Variants in SCAI observed in about 807,000 individuals in gnomAD.
The protein encoded by SCAI is suppressor of cancer cell invasion.
A neutral mutation model predicts 92.2 loss-of-function variants in SCAI; 24 were observed. That is an observed-to-expected ratio of 0.26 (90% confidence interval 0.19 to 0.37). The LOEUF is 0.37. Among genes scored for constraint, SCAI ranks in the 10% least tolerant of loss-of-function variants. The probability of loss-of-function intolerance (pLI) is 1.00; values close to 1 mark genes in which losing one functional copy is unlikely to be tolerated. For synonymous variants in SCAI, 261 were observed against 258.6 expected (o/e 1.01, Z -0.09); for missense variants, 450 against 736.2 (o/e 0.61, Z 4.50).
intron 2 of SCAI, among the ~76,000 whole-genome samples, chr9:125,100,734 A>C (rs965203099): frequency 6.6e-6 from 1 of 152,200 alleles, no homozygotes; most frequent in African/African-American, 2.4e-5. Flanking sequence ...GGGGACAAAG[A>C]GCTGCAATTG....
In SCAI at chr9:125,091,768, C is replaced by T. The variant is rs1182578193; in HGVS notation, c.99-35761G>A. 2.0e-5 allele frequency among the ~76,000 whole-genome samples: 3 copies of T among 152,102 alleles called. No individual in the cohort carries two copies. Among genetic ancestry groups the T allele is most frequent in the Non-Finnish European group, 2.9e-5 (2 of 68,030 alleles). On this transcript the variant is annotated intron_variant, in intron 2 of 17. Transcript: ENST00000336505. This position sits in a 1 kb window ranked among gnomAD's most constrained non-coding sequence, Gnocchi z 4.3. ...CTCCTCAAACATCCAACATCTCATC[C>T]GCCATCCCCACTTTTCAGCTGATGG...
At position 125,091,915 on chromosome 9, in the gene SCAI, T is replaced by C. The variant is rs1057318000; in HGVS notation, c.99-35908A>G. On this transcript the variant is annotated intron_variant, in intron 2 of 17. Transcript: ENST00000336505. The surrounding 1 kb of genome is among the most constrained non-coding windows in gnomAD (Gnocchi z 4.3). ...TCACGAGGTCAGGAGATCGAGACCA[T>C]CCTGGCTAACACGATGAAACCCCGT... is the stretch of plus-strand genomic sequence containing the variant. 3.3e-5 allele frequency among the ~76,000 whole-genome samples: 5 copies of C among 151,600 alleles called. No homozygotes were observed. The highest frequency in any genetic ancestry group is 3.3e-4 in the Admixed American group (5 of 15,214).
chr9:125,072,697 C>T (rs1473250783), intron 2 of SCAI, among the ~76,000 whole-genome samples: 1 of 152,132 alleles, frequency 6.6e-6, no homozygotes, highest in East Asian at 1.9e-4. Context: ...CCCATTTTCC[C>T]CTCCTCCTAG....
intron 9 of SCAI, among the ~76,000 whole-genome samples, chr9:125,007,859 T>G (rs1832544802): frequency 1.3e-5 from 2 of 151,748 alleles, no homozygotes; most frequent in Admixed American, 1.3e-4. Context: ...TTTCTTTTTT[T>G]TTTTGAGACG....
chr9:125,089,877 T>G (rs556456933), intron 2 of SCAI, among the ~76,000 whole-genome samples: 47 of 152,192 alleles, frequency 3.1e-4, no homozygotes, highest in Non-Finnish European at 5.3e-4. Context: ...AAGATACCTG[T>G]TTTCTTATTA....
In SCAI at chr9:125,066,166, G is replaced by T. The variant is rs535602763; in HGVS notation, c.99-10159C>A. The T allele has an allele frequency of 6.1e-4, 338 of 551,392 alleles. 1 individual carries two copies. Among genetic ancestry groups the T allele is most frequent in the Non-Finnish European group, 1.0e-3 (309 of 309,844 alleles). 34.2% of individuals were successfully genotyped at this position (551,392 alleles called of 1,614,324 possible). A position where few individuals can be genotyped will look rare whatever the true frequency, so the allele number is the denominator to read the frequency against. ...CAAAAGAATCTATATGTAATTATCA[G>T]AATTAACCAGTGGGTTTAGCAAAGT... is the stretch of plus-strand genomic sequence containing the variant. On this transcript the variant is annotated intron_variant, in intron 2 of 17. Transcript: ENST00000336505.
chr9:125,078,253 G>A (rs1469464805), intron 2 of SCAI, among the ~76,000 whole-genome samples: 1 of 152,002 alleles, frequency 6.6e-6, no homozygotes, highest in Non-Finnish European at 1.5e-5. Context: ...TAGGCTGGGC[G>A]TGTTGGCTCA....
chr9:124,971,211 T>C (rs1449896902), intron 17 of SCAI, 159 bp downstream of exon 17: 4 of 451,106 alleles, frequency 8.9e-6, no homozygotes, highest in Non-Finnish European at 1.6e-5. Flanking sequence ...TTTTTTTACT[T>C]AGCAGACCAG....
intron 3 of SCAI, among the ~76,000 whole-genome samples, chr9:125,031,885 G>A (rs1444230245): frequency 6.6e-6 from 1 of 151,946 alleles, no homozygotes; most frequent in Non-Finnish European, 1.5e-5. Flanking sequence ...GGTACCATCA[G>A]CAGATTCACA....
rs79126839 is a variant in SCAI, at chr9:125,076,076, T to C, written c.99-20069A>G. ...CAACAGTCTGTGTATGTAGTATAAA[T>C]ACAAACAACATGAAAATCATGAGGG... On this transcript the variant is annotated intron_variant, in intron 2 of 17. Coordinates refer to ENST00000336505, the MANE Select transcript of SCAI (RefSeq NM_001144877.3). 5.7e-4 allele frequency among the ~76,000 whole-genome samples: 86 copies of C among 152,204 alleles called. No individual in the cohort carries two copies. In the East Asian group the frequency reaches 0.015, roughly 27 times the overall value.
chr9:125,142,740 T>G, intron 1 of SCAI, 63 bp from the exon 2 acceptor site: 12 of 1,423,056 alleles, frequency 8.4e-6, no homozygotes, highest in Non-Finnish European at 1.1e-5. Flanking sequence ...CTCCCGGCGC[T>G]ACCGTGCCAG....
intron 2 of SCAI, among the ~76,000 whole-genome samples, chr9:125,086,327 T>C (rs1447666925): frequency 1.5e-4 from 23 of 152,182 alleles, no homozygotes; most frequent in African/African-American, 2.4e-5. Context: ...GCTCTATGGC[T>C]GCCACTGTTC....
Position 124,971,236 on chromosome 9 carries a change from TG to T in SCAI, c.1674+133del, listed in dbSNP as rs1831653116. The T allele has an allele frequency of 1.6e-5, 8 of 489,948 alleles. No individual in the cohort carries two copies. The East Asian group carries it at 2.7e-4, about 16-fold the overall frequency. The allele number at this position is 489,948 out of a possible 1,614,324, so 30.4% of individuals were successfully genotyped here. A position where few individuals can be genotyped will look rare whatever the true frequency, so the allele number is the denominator to read the frequency against. ...TAGCAGACCAGTGTGACGGTACATT[TG>T]TAAATATTATTTTGAATTTATCCAA... On this transcript the variant is annotated intron_variant, in intron 17 of 17. Coordinates refer to ENST00000336505, the MANE Select transcript of SCAI (RefSeq NM_001144877.3).
chr9:125,063,644 C>T (rs559574101), intron 2 of SCAI, among the ~76,000 whole-genome samples: 4 of 151,556 alleles, frequency 2.6e-5, no homozygotes, highest in Admixed American at 6.6e-5. Context: ...AGTGTAGCTA[C>T]GCTATTATCA....
intron 2 of SCAI, among the ~76,000 whole-genome samples, chr9:125,068,388 T>C (rs1413157372): frequency 3.3e-5 from 5 of 152,078 alleles, no homozygotes; most frequent in African/African-American, 1.2e-4. Context: ...TAGTTCCAGC[T>C]ACTCGGGAAG....
chr9:125,028,124 T>C lies in SCAI; in HGVS notation c.413+268A>G, dbSNP rs370238494. Among the ~76,000 whole-genome samples, 11 of 152,312 alleles carry C rather than the reference T, an allele frequency of 7.2e-5. No homozygotes were observed. In the South Asian group the frequency reaches 2.3e-3, roughly 32 times the overall value. On this transcript the variant is annotated intron_variant, in intron 5 of 17. Coordinates refer to ENST00000336505, the MANE Select transcript of SCAI (RefSeq NM_001144877.3). ...ACAATAAATCCTTTAGTATTAATCG[T>C]TTATCTAAAACCAAGATCAAATTTT... is the stretch of plus-strand genomic sequence containing the variant.
chr9:125,013,632 C>A (rs1832686253), intron 9 of SCAI, among the ~76,000 whole-genome samples: 1 of 152,116 alleles, frequency 6.6e-6, no homozygotes, highest in African/African-American at 2.4e-5. Context: ...CCTTCTGAAA[C>A]TATTCCAATC....
chr9:125,056,798 C>T (rs1833677026), intron 2 of SCAI, among the ~76,000 whole-genome samples: 1 of 152,200 alleles, frequency 6.6e-6, no homozygotes, highest in African/African-American at 2.4e-5. Context: ...ATACTGACCA[C>T]TGCACTCTAC....
chr9:125,136,651 G>C (rs1835538328), intron 2 of SCAI, among the ~76,000 whole-genome samples: 1 of 151,498 alleles, frequency 6.6e-6, no homozygotes, highest in Admixed American at 6.6e-5. Flanking sequence ...AGTAGAGACG[G>C]GGTTTCGCTA....
Sources: gnomAD v4.1 joint callset for allele counts (sites outside exome capture counted in the v4.1 genomes callset) on GRCh38, gnomAD v4.1.1 for gene constraint, Gnocchi (gnomAD v3.1) non-coding constraint, MANE v1.5 for transcripts, NCBI Gene and HGNC (gene_info 2026-07-23, HGNC 2026-07-21) for gene names.